KLHL14: variants seen among roughly 807,000 people sequenced by gnomAD.
KLHL14 encodes kelch like family member 14.
KLHL14 carries 22 observed loss-of-function variants against 64.3 expected under a neutral mutation model. The observed-to-expected ratio is 0.34, with a 90% CI of 0.24 to 0.49. The LOEUF (loss-of-function observed/expected upper bound fraction) is 0.49. Ranked by LOEUF, KLHL14 falls within the 20% of genes least tolerant of loss-of-function variation. The pLI is 0.99. For missense variants in KLHL14, 661 were observed against 789.0 expected (o/e 0.84, Z 1.94); for synonymous variants, 322 against 333.4 (o/e 0.97, Z 0.37).
intron 2 of KLHL14, among the ~76,000 whole-genome samples, chr18:32,755,521 A>C (rs1169703771): frequency 6.6e-6 from 1 of 152,156 alleles, no homozygotes; most frequent in African/African-American, 2.4e-5. Flanking sequence ...ATATCAATTA[A>C]TGAAATTTCT....
chr18:32,734,635 T>C (rs1462836834), intron 3 of KLHL14, among the ~76,000 whole-genome samples: 1 of 152,196 alleles, frequency 6.6e-6, no homozygotes, highest in African/African-American at 2.4e-5. Flanking sequence ...TGTTAAAAAA[T>C]AATGCAAAGT....
chr18:32,738,140 G>T (rs1246455865), intron 3 of KLHL14: 2 of 152,098 alleles, frequency 1.3e-5, no homozygotes, highest in East Asian at 3.8e-4. Flanking sequence ...GAATAAAAAT[G>T]GAATGGAGAG....
At position 32,770,231 on chromosome 18, in the gene KLHL14, C is replaced by G; in HGVS notation, c.361G>C (p.Ala121Pro). ...CCCTGCAGCACCAGGTTGTTGATGG[C>G]CCGGGGGCTGGTCAGCAGCTTGTCG... ...PDDKLLTSPRAINNLVLQGCS... is the reference protein window; with the variant it reads ...PDDKLLTSPRPINNLVLQGCS... The change falls in exon 2 of 9, where the codon GCC becomes CCC. Residue 121 changes from alanine to proline, a missense_variant. Physicochemically the swap from Ala to Pro is conservative, Grantham distance 27 (BLOSUM62 -1). Coordinates refer to ENST00000359358, the MANE Select transcript of KLHL14 (RefSeq NM_020805.3). This position sits in a 1 kb window ranked among gnomAD's most constrained non-coding sequence, Gnocchi z 6.7. 2 of 1,604,336 alleles carry G rather than the reference C, an allele frequency of 1.2e-6. No homozygotes were observed. The highest frequency in any genetic ancestry group is 1.7e-6 in the Non-Finnish European group (2 of 1,173,318).
rs902822394 is a variant in KLHL14, at chr18:32,713,699, A to G, written c.1070-18147T>C. Among the ~76,000 whole-genome samples, 26 of 152,328 alleles carry G rather than the reference A, an allele frequency of 1.7e-4. No homozygotes were observed. In the East Asian group the frequency reaches 3.7e-3, roughly 21 times the overall value. On this transcript the variant is annotated intron_variant, in intron 3 of 8. Transcript: ENST00000359358. ...TAATATGCTGTTTTCACCTAAATAT[A>G]TGGTAAGCTATTTTCATTTTAATAA...
At chr18:32,707,642 C>T (rs1237827464) in intron 3 of KLHL14, among the ~76,000 whole-genome samples, 1 of 152,184 alleles carries the variant, frequency 6.6e-6, no homozygotes, top group Admixed American at 6.5e-5. Flanking sequence ...AATAAAACCC[C>T]TGGGCTGGAG....
chr18:32,689,491 T>C (rs891584753), intron 4 of KLHL14, among the ~76,000 whole-genome samples: 1 of 152,152 alleles, frequency 6.6e-6, no homozygotes, highest in African/African-American at 2.4e-5. Context: ...CAAGAATTGC[T>C]TCAGTGAACC....
chr18:32,674,987 CA>C (rs1396917974), intron 8 of KLHL14, among the ~76,000 whole-genome samples, 190 bp from the exon 9 acceptor site: 3 of 151,824 alleles, frequency 2.0e-5, no homozygotes, highest in African/African-American at 4.8e-5. Flanking sequence ...GACAAAATTT[CA>C]AAAAAAATTT....
chr18:32,726,441 T>C (rs2050108523), intron 3 of KLHL14, among the ~76,000 whole-genome samples: 1 of 151,954 alleles, frequency 6.6e-6, no homozygotes, highest in Non-Finnish European at 1.5e-5. Flanking sequence ...CTGGCCAACA[T>C]GTTGAAACCC....
At chr18:32,700,855 G>A (rs566612122) in intron 3 of KLHL14, among the ~76,000 whole-genome samples, 81 of 152,320 alleles carry the variant, frequency 5.3e-4, no homozygotes, top group African/African-American at 1.9e-3. Context: ...AGGCCTTTCT[G>A]AGTAGATGAC....
At chr18:32,726,136 T>C (rs2144515311) in intron 3 of KLHL14, among the ~76,000 whole-genome samples, 1 of 152,370 alleles carries the variant, frequency 6.6e-6, no homozygotes, top group Non-Finnish European at 1.5e-5. Flanking sequence ...CTGCCTATTT[T>C]TATAAATAAA....
At chr18:32,719,309 C>T (rs575483565) in intron 3 of KLHL14, among the ~76,000 whole-genome samples, 3 of 152,354 alleles carry the variant, frequency 2.0e-5, no homozygotes, top group African/African-American at 7.2e-5. Context: ...ATGGCAGGCA[C>T]TTAATAAAAC....
chr18:32,693,413 C>CACACACACAG lies in KLHL14; in HGVS notation c.1159+2049_1159+2050insCTGTGTGTGT, dbSNP rs1229737083. Among the ~76,000 whole-genome samples the CACACACACAG allele has an allele frequency of 1.0e-3, 97 of 97,038 alleles. 1 individual carries two copies. Among genetic ancestry groups the CACACACACAG allele is most frequent in the African/African-American group, 4.6e-3 (95 of 20,680 alleles). 63.7% of individuals were successfully genotyped at this position (97,038 alleles called of 152,430 possible). A position where few individuals can be genotyped will look rare whatever the true frequency, so the allele number is the denominator to read the frequency against. On this transcript the variant is annotated intron_variant, in intron 4 of 8. Transcript: ENST00000359358. Reference sequence around the variant, plus strand: ...ACACACACACACACACACACACACACAGAGAGAGAGAGAGAGAGAGAGAGA... The same window carrying CACACACACAG: ...ACACACACACACACACACACACACACACACACACAGAGAGAGAGAGAGAGAGAGAGAGAGA...
chr18:32,752,573 G>C (rs1198508498), intron 2 of KLHL14, among the ~76,000 whole-genome samples: 2 of 152,092 alleles, frequency 1.3e-5, no homozygotes, highest in Non-Finnish European at 2.9e-5. Flanking sequence ...TTTAGGTCTA[G>C]TGTTGTCTTA....
chr18:32,771,806 G>GGCGGGGGAGCAGTGGGGT (rs2050388131), intron 1 of KLHL14, among the ~76,000 whole-genome samples: 1 of 151,060 alleles, frequency 6.6e-6, no homozygotes, highest in Non-Finnish European at 1.5e-5. Context: ...CGAGCGGGGG[G>GGCGGGGGAGCAGTGGGGT]GCGGGGGAGC....
In KLHL14 at chr18:32,705,355, C is replaced by T. The variant is rs537789015; in HGVS notation, c.1070-9803G>A. ...CAATTACCCTAATATGATTACTATA[C>T]ATTATATGTAGCAAAACATCACAGT... On this transcript the variant is annotated intron_variant, in intron 3 of 8. Coordinates refer to ENST00000359358, the MANE Select transcript of KLHL14 (RefSeq NM_020805.3). Among the ~76,000 whole-genome samples, 38 of 152,294 alleles carry T rather than the reference C, an allele frequency of 2.5e-4. 1 individual carries two copies. The South Asian group carries it at 5.4e-3, about 22-fold the overall frequency.
chr18:32,719,687 A>G (rs1164550358), intron 3 of KLHL14, among the ~76,000 whole-genome samples: 1 of 152,214 alleles, frequency 6.6e-6, no homozygotes, highest in Non-Finnish European at 1.5e-5. Context: ...AAAGATTTCC[A>G]AAAGGCACGA....
At chr18:32,765,687 A>G (rs965430558) in intron 2 of KLHL14, among the ~76,000 whole-genome samples, 1 of 152,170 alleles carries the variant, frequency 6.6e-6, no homozygotes, top group Non-Finnish European at 1.5e-5. Flanking sequence ...AACAGAAAAT[A>G]TTGTCCTACA....
chr18:32,691,997 C>T (rs1236131272), intron 4 of KLHL14, among the ~76,000 whole-genome samples: 2 of 152,080 alleles, frequency 1.3e-5, no homozygotes, highest in Admixed American at 6.6e-5. Context: ...TTTTGGGAAC[C>T]AGTTATCAGG....
At chr18:32,771,171 C>A in intron 1 of KLHL14, 1 of 185,960 alleles carries the variant, frequency 5.4e-6, no homozygotes, top group Non-Finnish European at 1.2e-5. Context: ...GGGGTAGGAA[C>A]AGGGGCCCGA....
Sources: gnomAD v4.1 joint callset for allele counts (sites outside exome capture counted in the v4.1 genomes callset) on GRCh38, gnomAD v4.1.1 for gene constraint, Gnocchi (gnomAD v3.1) non-coding constraint, MANE v1.5 for transcripts, NCBI Gene and HGNC (gene_info 2026-07-23, HGNC 2026-07-21) for gene names.